Variants in PREX1 observed in about 807,000 individuals in gnomAD.
PREX1 encodes the protein phosphatidylinositol 3,4,5-trisphosphate-dependent Rac exchanger 1 protein.
PREX1 carries 41 observed loss-of-function variants against 198.3 expected under a neutral mutation model. That is an observed-to-expected ratio of 0.21 (90% CI 0.16 to 0.27). The LOEUF is 0.27. Ranked by LOEUF, PREX1 falls within the 10% of genes least tolerant of loss-of-function variation. PREX1 has a pLI of 1.00. For missense variants in PREX1, 1,620 were observed against 2,200.7 expected, an observed-to-expected ratio of 0.74 and a Z score of 5.28; for synonymous variants, 843 against 887.2, an observed-to-expected ratio of 0.95 and a Z score of 0.89.
the PREX1 span, among the ~76,000 whole-genome samples, chr20:48,834,455 CT>C: frequency 1.3e-5 from 2 of 152,138 alleles, no homozygotes; most frequent in African/African-American, 4.8e-5. Context: ...TTACTGAAAG[CT>C]GATGGTTTCC....
At chr20:48,845,702 C>CA in the PREX1 span, among the ~76,000 whole-genome samples, 7,172 of 102,914 alleles carry the variant, frequency 0.07, 301 homozygotes, top group Middle Eastern at 0.19. Context: ...ACCTTGTTTC[C>CA]AAAAAAAAAA....
At chr20:48,724,015 G>T (rs541716811) in intron 5 of PREX1, among the ~76,000 whole-genome samples, 1 of 152,202 alleles carries the variant, frequency 6.6e-6, no homozygotes, top group East Asian at 1.9e-4. Context: ...GTTTTGAAAC[G>T]CAGAGAAGAA....
chr20:48,818,948 C>G (rs200235737), intron 1 of PREX1, among the ~76,000 whole-genome samples: 1 of 152,138 alleles, frequency 6.6e-6, no homozygotes. Context: ...GGAAGCCTGC[C>G]CTGGTTACTT....
intron 1 of PREX1, among the ~76,000 whole-genome samples, chr20:48,816,177 T>C (rs1018907595): frequency 1.3e-5 from 2 of 152,082 alleles, no homozygotes; most frequent in Non-Finnish European, 2.9e-5. Context: ...CAACAGCCAA[T>C]CAGTTCACCT....
At chr20:48,812,977 ATCTT>A (rs1220534076) in intron 1 of PREX1, among the ~76,000 whole-genome samples, 1 of 152,246 alleles carries the variant, frequency 6.6e-6, no homozygotes, top group Non-Finnish European at 1.5e-5. Context: ...CTTTTTATTC[ATCTT>A]TATTTCCCAA....
intron 1 of PREX1, among the ~76,000 whole-genome samples, chr20:48,771,162 C>T (rs998915): frequency 1.3e-5 from 2 of 151,628 alleles, no homozygotes; most frequent in East Asian, 1.9e-4. Context: ...CTGTCATCAC[C>T]GGTTGCACAT....
chr20:48,812,838 A>C (rs114274666), intron 1 of PREX1, among the ~76,000 whole-genome samples: 1,772 of 152,292 alleles, frequency 0.012, 28 homozygotes, highest in African/African-American at 0.041. Context: ...GCTGATGGAG[A>C]GCATTTAGCA....
At chr20:48,752,385 C>A (rs2090137770) in intron 1 of PREX1, among the ~76,000 whole-genome samples, 2 of 152,244 alleles carry the variant, frequency 1.3e-5, no homozygotes, top group South Asian at 4.1e-4. Context: ...ATGTCTTCCA[C>A]ATTTACCCAT....
chr20:48,652,031 G>A (rs1340708159), intron 21 of PREX1, among the ~76,000 whole-genome samples: 8 of 152,150 alleles, frequency 5.3e-5, no homozygotes, highest in African/African-American at 1.9e-4. Context: ...TCAGCCCAGT[G>A]GGACTCGGAC....
upstream of PREX1, among the ~76,000 whole-genome samples, chr20:48,831,207 G>A (rs149940520): frequency 6.6e-6 from 1 of 152,302 alleles, no homozygotes; most frequent in African/African-American, 2.4e-5. Flanking sequence ...TGTCTCCTCT[G>A]TGCTTCTCTC....
At chr20:48,857,634 A>G in the PREX1 span, among the ~76,000 whole-genome samples, 1 of 152,158 alleles carries the variant, frequency 6.6e-6, no homozygotes, top group Non-Finnish European at 1.5e-5. Context: ...TTAACAGAGC[A>G]TGGTGGTGCA....
chr20:48,847,816 C>T, the PREX1 span, among the ~76,000 whole-genome samples: 1 of 152,218 alleles, frequency 6.6e-6, no homozygotes, highest in Admixed American at 6.5e-5. Context: ...CCCCATCCTT[C>T]TGATTTCTAT....
chr20:48,648,100 T>C (rs2089464749), intron 25 of PREX1, among the ~76,000 whole-genome samples: 1 of 151,868 alleles, frequency 6.6e-6, no homozygotes, highest in Non-Finnish European at 1.5e-5. Flanking sequence ...AGAGATAGGG[T>C]TTCACTACGT....
intron 1 of PREX1, among the ~76,000 whole-genome samples, chr20:48,764,714 A>G (rs1352876236): frequency 6.7e-6 from 1 of 149,350 alleles, no homozygotes. Flanking sequence ...CACGGGAAGC[A>G]GTGGTTGCAG....
Position 48,733,745 on chromosome 20 carries a change from G to T in PREX1, c.519+801C>A, listed in dbSNP as rs376744676. ...TTGTTTTGCTTCTGCCAGTTTTTGG[G>T]TTTTTTTGTTTTTTGTTTTTTTTGA... On this transcript the variant is annotated intron_variant, in intron 4 of 39. Coordinates refer to ENST00000371941, the MANE Select transcript of PREX1 (RefSeq NM_020820.4). Among the ~76,000 whole-genome samples, 113 of 85,140 alleles carry T rather than the reference G, an allele frequency of 1.3e-3. 2 individuals carry two copies. In the East Asian group the frequency reaches 0.019, roughly 15 times the overall value. 55.9% of individuals were successfully genotyped at this position (85,140 alleles called of 152,430 possible).
At chr20:48,652,912 C>T (rs1018680372) in intron 20 of PREX1, among the ~76,000 whole-genome samples, 6 of 152,164 alleles carry the variant, frequency 3.9e-5, no homozygotes, top group Admixed American at 2.0e-4. Context: ...GGTGCAGACA[C>T]GTCTCTCCTG....
the PREX1 span, among the ~76,000 whole-genome samples, chr20:48,874,248 A>G: frequency 6.6e-6 from 1 of 152,096 alleles, no homozygotes; most frequent in Non-Finnish European, 1.5e-5. Flanking sequence ...CGAACCCACG[A>G]CTTTCCAAAA....
chr20:48,690,664 G>A (rs1018702382), intron 9 of PREX1, among the ~76,000 whole-genome samples: 3 of 152,292 alleles, frequency 2.0e-5, no homozygotes, highest in Admixed American at 6.5e-5. Context: ...AGGGCTATGC[G>A]CAGGAAAGGG....
chr20:48,650,015 G>T lies in PREX1; in HGVS notation c.3009C>A (p.Ile1003=), dbSNP rs142843026. ...AGGTACCTTGCTCCGGGTCAAGGCC[G>T]ATGAGGGAGGGTTTGCGTCCAAAGC... The part of the protein sequence containing the change: ...SIRFGRKPSL[I]GLDPEQGHLN... Residue 1003 remains isoleucine, a synonymous_variant, in exon 24 of 40, where the codon ATC becomes ATA. Transcript: ENST00000371941. 1 of 1,614,162 alleles carries T rather than the reference G, an allele frequency of 6.2e-7. No homozygotes were observed. The highest frequency in any genetic ancestry group is 2.2e-5 in the East Asian group (1 of 44,886).
Sources: gnomAD v4.1 joint callset for allele counts (sites outside exome capture counted in the v4.1 genomes callset) on GRCh38, gnomAD v4.1.1 for gene constraint, MANE v1.5 for transcripts, NCBI Gene and HGNC (gene_info 2026-07-23, HGNC 2026-07-21) for gene names.